The following TRIM54 variants were observed in gnomAD, a reference collection of about 807,000 sequenced individuals.
TRIM54 encodes tripartite motif-containing protein 54.
TRIM54 carries 40 observed loss-of-function variants against 42.0 expected under a neutral mutation model. The ratio of observed to expected loss-of-function variants is 0.95; its 90% CI spans 0.74 to 1.24. The LOEUF is 1.24. TRIM54 is among the 50% of genes most tolerant of loss of function. The pLI is 0.00. For synonymous variants in TRIM54, 199 were observed against 194.9 expected (o/e 1.02, Z -0.17); for missense variants, 485 against 480.3 (o/e 1.01, Z -0.09).
At chr2:27,291,241 G>C (rs1331610142) in intron 1 of TRIM54, among the ~76,000 whole-genome samples, 1 of 152,102 alleles carries the variant, frequency 6.6e-6, no homozygotes, top group Non-Finnish European at 1.5e-5. Context: ...TATAGTCCCA[G>C]CTACTCAGGA....
At chr2:27,304,448 G>T (rs555142243) in intron 3 of TRIM54, among the ~76,000 whole-genome samples, 1 of 142,526 alleles carries the variant, frequency 7.0e-6, no homozygotes, top group East Asian at 2.1e-4. Flanking sequence ...ATCAACGAAT[G>T]AATTGAATGA....
intron 3 of TRIM54, among the ~76,000 whole-genome samples, chr2:27,302,332 T>C (rs1679059491): frequency 6.6e-6 from 1 of 151,642 alleles, no homozygotes; most frequent in Non-Finnish European, 1.5e-5. Flanking sequence ...GCGCCTGTAG[T>C]CCCAGCTACT....
intron 3 of TRIM54, among the ~76,000 whole-genome samples, chr2:27,304,261 G>GATAT (rs1183021690): frequency 7.3e-6 from 1 of 136,686 alleles, no homozygotes; most frequent in South Asian, 2.4e-4. Context: ...TAGATATACA[G>GATAT]ATATATATAT....
chr2:27,303,607 C>T (rs539300732), intron 3 of TRIM54, among the ~76,000 whole-genome samples: 1 of 151,328 alleles, frequency 6.6e-6, no homozygotes, highest in Admixed American at 6.6e-5. Context: ...GGAGCTAAAG[C>T]AGTAAATTGC....
intron 1 of TRIM54, among the ~76,000 whole-genome samples, chr2:27,285,842 C>T (rs11686131): frequency 0.23 from 34,485 of 151,920 alleles, 4,167 homozygotes; most frequent in Admixed American, 0.34. Context: ...TAAAAACTGC[C>T]GTGATGGACA....
chr2:27,283,782 GCGCACACACACA>G (rs1678468614), intron 1 of TRIM54, among the ~76,000 whole-genome samples: 1 of 86,322 alleles, frequency 1.2e-5, no homozygotes, highest in African/African-American at 4.9e-5. Context: ...ACACACACGC[GCGCACACACACA>G]CACACACACA....
intron 1 of TRIM54, among the ~76,000 whole-genome samples, chr2:27,297,251 A>G (rs1021629017): frequency 1.3e-5 from 2 of 152,210 alleles, no homozygotes; most frequent in African/African-American, 4.8e-5. Context: ...GGTGGCCGTG[A>G]TGTCAGCTCT....
rs142379604 is a variant in TRIM54 at position 27,305,714 on chromosome 2, G to A, written c.740G>A (p.Arg247His). Residue 247 changes from arginine to histidine, a missense_variant, in exon 5 of 9, where the codon CGC becomes CAC. Coordinates refer to ENST00000380075, the MANE Select transcript of TRIM54 (RefSeq NM_187841.3). ...CAAGAGGAGAAGCTGCAGCGCGTCC[G>A]CGGCCTCATCCGTCAGTATGGCGAC... ...REQEEKLQRV[R>H]GLIRQYGDHL... 30 of 1,612,282 alleles carry A rather than the reference G, an allele frequency of 1.9e-5. No individual in the cohort carries two copies. Among genetic ancestry groups the A allele is most frequent in the Non-Finnish European group, 2.2e-5 (26 of 1,179,374 alleles).
chr2:27,292,577 G>A (rs1354938650), intron 1 of TRIM54, among the ~76,000 whole-genome samples: 1 of 152,134 alleles, frequency 6.6e-6, no homozygotes, highest in Non-Finnish European at 1.5e-5. Context: ...AACATGAAAT[G>A]TACCACCTTA....
At chr2:27,304,767 T>C in intron 3 of TRIM54, 192 bp from the exon 4 acceptor site, 1 of 508,258 alleles carries the variant, frequency 2.0e-6, no homozygotes. Flanking sequence ...AGGGCTTCTC[T>C]CCACCTCCTT....
chr2:27,283,770 A>ACGCACGCGCGCGCACG, intron 1 of TRIM54, among the ~76,000 whole-genome samples: 1 of 100,502 alleles, frequency 1.0e-5, no homozygotes, highest in South Asian at 3.9e-4. Context: ...AAAGGCACAC[A>ACGCACGCGCGCGCACG]CACACACACG....
Position 27,306,109 on chromosome 2 carries a change from AGGCATAGCGG to A in TRIM54, c.866+9_866+18del. ...CCAAGGAGCTGATCAATAAGTGAGT[AGGCATAGCGG>A]GAAGGGAAAGGAGGGGGCTGCACTG... On this transcript the variant is annotated splice_region_variant and intron_variant, in intron 6 of 8. Coordinates refer to ENST00000380075, the MANE Select transcript of TRIM54 (RefSeq NM_187841.3). This position sits in a 1 kb window ranked among gnomAD's most constrained non-coding sequence, Gnocchi z 6.1. The A allele has an allele frequency of 9.9e-6, 16 of 1,614,000 alleles. No individual in the cohort carries two copies. The highest frequency in any genetic ancestry group is 1.4e-5 in the Non-Finnish European group (16 of 1,180,022).
At chr2:27,300,556 A>ATAATAATATTTATTATTAGTAGTAGTAC (rs1679001893) in intron 3 of TRIM54, among the ~76,000 whole-genome samples, 6 of 150,502 alleles carry the variant, frequency 4.0e-5, no homozygotes, top group Admixed American at 2.7e-4. Flanking sequence ...GATACTACTA[A>ATAATAATATTTATTATTAGTAGTAGTAC]TAATAATATT....
intron 3 of TRIM54, among the ~76,000 whole-genome samples, chr2:27,302,012 G>C (rs1679049526): frequency 6.6e-6 from 1 of 152,160 alleles, no homozygotes; most frequent in Non-Finnish European, 1.5e-5. Context: ...AAATTAGCCA[G>C]GTGTGGTGGC....
rs150993271 is a variant in TRIM54 at position 27,282,873 on chromosome 2, C to T, written c.142C>T (p.Arg48Cys). 1.4e-5 allele frequency: 22 copies of T among 1,613,364 alleles called. No individual in the cohort carries two copies. Among genetic ancestry groups the T allele is most frequent in the East Asian group, 4.5e-5 (2 of 44,872 alleles). ...VILPCQHNLC[R>C]KCANDVFQAS... ...CCTGCCCTGCCAACACAACCTGTGC[C>T]GCAAATGTGCCAACGACGTCTTCCA... The change falls in exon 1 of 9, where the codon CGC (arginine) becomes TGC (cysteine). Residue 48 changes from arginine to cysteine, a missense_variant. By Grantham distance (180) the Arg-to-Cys change is radical. Transcript: ENST00000380075.
intron 1 of TRIM54, among the ~76,000 whole-genome samples, chr2:27,290,550 G>T (rs10182973): frequency 0.05 from 7,656 of 152,166 alleles, 615 homozygotes; most frequent in African/African-American, 0.17. Flanking sequence ...CCTAGCTGAG[G>T]CAAGAGAATC....
chr2:27,299,432 G>A lies in TRIM54; in HGVS notation c.513+16G>A, dbSNP rs375842325. ...ACGCCAGAAGGTATCAAACAGGGGA[G>A]GGAGTAGATATGTGAGAGATGGGGG... On this transcript the variant is annotated intron_variant, in intron 3 of 8. Transcript: ENST00000380075. 6.8e-6 allele frequency: 11 copies of A among 1,611,920 alleles called. No homozygotes were observed. The African/African-American group carries it at 8.0e-5, about 12-fold the overall frequency.
At chr2:27,298,541 T>TAG in intron 1 of TRIM54, 26 bp from the exon 2 acceptor site, 1 of 1,599,774 alleles carries the variant, frequency 6.3e-7, no homozygotes, top group Non-Finnish European at 8.6e-7. Context: ...CCCGTGCCTG[T>TAG]TCTCTCAAGC....
At chr2:27,300,887 A>G (rs1274819653) in intron 3 of TRIM54, among the ~76,000 whole-genome samples, 1 of 152,014 alleles carries the variant, frequency 6.6e-6, no homozygotes, top group African/African-American at 2.4e-5. Flanking sequence ...TACAATATTA[A>G]AAAGAGACAA....
Sources: gnomAD v4.1 joint callset for allele counts (sites outside exome capture counted in the v4.1 genomes callset) on GRCh38, gnomAD v4.1.1 for gene constraint, Gnocchi (gnomAD v3.1) non-coding constraint, MANE v1.5 for transcripts, NCBI Gene and HGNC (gene_info 2026-07-23, HGNC 2026-07-21) for gene names.